Variants in NFKB1 observed in about 807,000 individuals in gnomAD.
NFKB1 encodes nuclear factor NF-kappa-B p105 subunit.
NFKB1 carries 9 observed loss-of-function variants against 105.1 expected under a neutral mutation model. The observed-to-expected ratio is 0.09, with a 90% CI of 0.05 to 0.15. The LOEUF (loss-of-function observed/expected upper bound fraction) is 0.15, where lower values mean the gene tolerates loss of function less well. NFKB1 is among the 10% of genes least tolerant of loss of function. The pLI is 1.00. For synonymous variants in NFKB1, 440 were observed against 442.2 expected (o/e 1.00, Z 0.06); for missense variants, 830 against 1,203.7 (o/e 0.69, Z 4.59).
At chr4:102,597,061 G>C (rs1027138091) in intron 14 of NFKB1, among the ~76,000 whole-genome samples, 2 of 152,068 alleles carry the variant, frequency 1.3e-5, no homozygotes, top group African/African-American at 4.8e-5. Context: ...TTACAAAAAC[G>C]TGAGTGGCTC....
chr4:102,542,380 A>T (rs529959615), intron 5 of NFKB1, among the ~76,000 whole-genome samples: 24 of 152,234 alleles, frequency 1.6e-4, no homozygotes, highest in South Asian at 1.0e-3. Flanking sequence ...TTTAAAAAAA[A>T]TTTTAATTAT....
At chr4:102,606,305 T>C (rs1027727881) in intron 16 of NFKB1, among the ~76,000 whole-genome samples, 191 bp from the exon 17 acceptor site, 1 of 152,240 alleles carries the variant, frequency 6.6e-6, no homozygotes, top group African/African-American at 2.4e-5. Context: ...TAAGTGTTAG[T>C]ACAGTATATG....
Position 102,610,713 on chromosome 4 carries a change from C to A in NFKB1, c.2352+14C>A, listed in dbSNP as rs183335260. The A allele has an allele frequency of 6.2e-7, 1 of 1,612,990 alleles. No individual in the cohort carries two copies. The highest frequency in any genetic ancestry group is 1.3e-5 in the African/African-American group (1 of 75,024). ...ACCAGCTGGCAGGTGAGTGCCGCTCCATCTGTCTGATGGCTGCCCCTGAGG... is the reference window on the plus strand; with the variant it reads ...ACCAGCTGGCAGGTGAGTGCCGCTCAATCTGTCTGATGGCTGCCCCTGAGG... On this transcript the variant is annotated intron_variant, in intron 20 of 23. Coordinates refer to ENST00000226574, the MANE Select transcript of NFKB1 (RefSeq NM_003998.4).
intron 16 of NFKB1, among the ~76,000 whole-genome samples, chr4:102,603,715 TAC>T (rs1657368627): frequency 6.6e-6 from 1 of 152,232 alleles, no homozygotes; most frequent in African/African-American, 2.4e-5. Context: ...TGGAAAATGA[TAC>T]AGTTCTCTAA....
chr4:102,520,697 A>G, intron 1 of NFKB1, among the ~76,000 whole-genome samples: 1 of 152,276 alleles, frequency 6.6e-6, no homozygotes, highest in African/African-American at 2.4e-5. Flanking sequence ...AAAAAAAGTA[A>G]CTAAGCCATG....
chr4:102,552,711 C>T (rs760382795), intron 5 of NFKB1, among the ~76,000 whole-genome samples: 2 of 152,148 alleles, frequency 1.3e-5, no homozygotes, highest in Non-Finnish European at 2.9e-5. Flanking sequence ...TAACTTACTT[C>T]ATATACTTTG....
intron 6 of NFKB1, 38 bp from the exon 7 acceptor site, chr4:102,576,838 G>A: frequency 6.4e-7 from 1 of 1,571,574 alleles, no homozygotes; most frequent in East Asian, 2.3e-5. Flanking sequence ...CCTAACTTTT[G>A]GTTGTTGTTG....
intron 1 of NFKB1, among the ~76,000 whole-genome samples, chr4:102,510,697 C>T (rs553466062): frequency 6.6e-6 from 1 of 152,286 alleles, no homozygotes; most frequent in South Asian, 2.1e-4. Flanking sequence ...CATTATTATT[C>T]AGTCTCTCGC....
At position 102,593,511 on chromosome 4, in the gene NFKB1, G is replaced by A. The variant is rs376020000; in HGVS notation, c.1153G>A (p.Gly385Ser). The change falls in exon 12 of 24, where the codon GGC becomes AGC. Residue 385 changes from glycine (G) to serine (S), a missense_variant. Around this residue, in one of 8 missense-constraint regions of NFKB1, gnomAD observed 163 missense variants for 164.3 expected, o/e 0.99. Coordinates refer to ENST00000226574, the MANE Select transcript of NFKB1 (RefSeq NM_003998.4). ...CGGTGGTAGTGGTGCTGGAGCTGGA[G>A]GCGGAGGCATGTTTGGTAGTGGCGG... is the stretch of plus-strand genomic sequence containing the variant. ...FGGGSGAGAGGGGMFGSGGGG... is the reference protein window; with the variant it reads ...FGGGSGAGAGSGGMFGSGGGG... 16 of 1,613,504 alleles carry A rather than the reference G, an allele frequency of 9.9e-6. No homozygotes were observed. The highest frequency in any genetic ancestry group is 1.3e-5 in the Non-Finnish European group (15 of 1,179,632).
chr4:102,599,699 T>G (rs1387773109), intron 15 of NFKB1, among the ~76,000 whole-genome samples: 3 of 152,222 alleles, frequency 2.0e-5, no homozygotes, highest in African/African-American at 7.2e-5. Context: ...TGGCCTTGAC[T>G]GAGTTATATG....
rs1200842985 is a variant in NFKB1, at chr4:102,594,900, T to G, written c.1219T>G (p.Phe407Val). 1 of 1,609,588 alleles carries G rather than the reference T, an allele frequency of 6.2e-7. No individual in the cohort carries two copies. The highest frequency in any genetic ancestry group is 8.5e-7 in the Non-Finnish European group (1 of 1,176,678). The change falls in exon 13 of 24, where the codon TTC (phenylalanine) becomes GTC (valine). Residue 407 changes from phenylalanine to valine, a missense_variant. By Grantham distance (50) the Phe-to-Val change is conservative. Around this residue, in one of 8 missense-constraint regions of NFKB1, gnomAD observed 163 missense variants for 164.3 expected, o/e 0.99. Transcript: ENST00000226574. Reference protein sequence around the residue: ...GTGSTGPGYSFPHYGFPTYGG... With the variant: ...GTGSTGPGYSVPHYGFPTYGG... The stretch of plus-strand genomic sequence containing the variant: ...TTTACTTGCCGTTTCAGGGTATAGC[T>G]TCCCACACTATGGATTTCCTACTTA...
chr4:102,582,531 G>A (rs577013770), intron 9 of NFKB1, among the ~76,000 whole-genome samples: 30 of 152,060 alleles, frequency 2.0e-4, no homozygotes, highest in Non-Finnish European at 3.8e-4. Flanking sequence ...GCACTGCCTC[G>A]TTGGATTCTA....
chr4:102,571,754 A>G (rs1312297457), intron 6 of NFKB1, among the ~76,000 whole-genome samples: 1 of 152,258 alleles, frequency 6.6e-6, no homozygotes, highest in Non-Finnish European at 1.5e-5. Context: ...ATCACTGGCC[A>G]TCAGAGAAAT....
chr4:102,583,842 C>T (rs1367009946), intron 10 of NFKB1, among the ~76,000 whole-genome samples: 1 of 151,388 alleles, frequency 6.6e-6, no homozygotes, highest in African/African-American at 2.4e-5. Flanking sequence ...CAGTAAGTGG[C>T]CAGTTAAATT....
At chr4:102,563,458 T>C (rs230491) in intron 5 of NFKB1, among the ~76,000 whole-genome samples, 104,670 of 151,960 alleles carry the variant, frequency 0.69, 36,692 homozygotes, top group African/African-American at 0.81. Flanking sequence ...AAAAAAAACT[T>C]TCAGGATGGT....
chr4:102,531,983 T>C (rs1741321228), intron 3 of NFKB1, among the ~76,000 whole-genome samples: 2 of 152,246 alleles, frequency 1.3e-5, no homozygotes, highest in Admixed American at 1.3e-4. Flanking sequence ...AGTGTTACAT[T>C]GTCATACAGG....
chr4:102,608,976 A>G (rs1728100928), intron 19 of NFKB1, among the ~76,000 whole-genome samples: 1 of 151,776 alleles, frequency 6.6e-6, no homozygotes, highest in South Asian at 2.1e-4. Context: ...ACATTGTAAG[A>G]CCTCATCTCC....
chr4:102,502,414 A>G (rs1213415406), intron 1 of NFKB1, among the ~76,000 whole-genome samples: 1 of 142,566 alleles, frequency 7.0e-6, no homozygotes, highest in Non-Finnish European at 1.5e-5. Flanking sequence ...ACACACACAC[A>G]CACACACACA....
At chr4:102,563,494 G>C (rs1208362137) in intron 5 of NFKB1, among the ~76,000 whole-genome samples, 5 of 152,032 alleles carry the variant, frequency 3.3e-5, no homozygotes, top group African/African-American at 9.7e-5. Flanking sequence ...TCTCTAGGTG[G>C]AAGAGTACTT....
Sources: gnomAD v4.1 joint callset for allele counts (sites outside exome capture counted in the v4.1 genomes callset) on GRCh38, gnomAD v4.1.1 for gene constraint, gnomAD v4.1.1 regional missense constraint, MANE v1.5 for transcripts, NCBI Gene and HGNC (gene_info 2026-07-23, HGNC 2026-07-21) for gene names.